The following MSRB3 variants were observed in gnomAD, a reference collection of about 807,000 sequenced individuals.
MSRB3 encodes methionine-R-sulfoxide reductase B3.
MSRB3 carries 13 observed loss-of-function variants against 21.0 expected under a neutral mutation model. The observed-to-expected ratio is 0.62, with a 90% confidence interval of 0.40 to 0.98. The LOEUF (loss-of-function observed/expected upper bound fraction) is 0.98, where lower values mean the gene tolerates loss of function less well. Ranked by LOEUF, MSRB3 falls within the 50% of genes least tolerant of loss-of-function variation. MSRB3 has a pLI of 0.00. For synonymous variants in MSRB3, 87 were observed against 88.6 expected (o/e 0.98, Z 0.10); for missense variants, 199 against 230.3 (o/e 0.86, Z 0.88).
intron 5 of MSRB3, among the ~76,000 whole-genome samples, chr12:65,375,091 C>T (rs1194797106): frequency 7.9e-5 from 12 of 151,294 alleles, no homozygotes; most frequent in African/African-American, 2.9e-4. Flanking sequence ...GTGATCAGCT[C>T]GCCTCGGCCT....
At chr12:65,388,876 AAGAAG>A (rs765376092) in intron 5 of MSRB3, among the ~76,000 whole-genome samples, 84 of 152,296 alleles carry the variant, frequency 5.5e-4, no homozygotes, top group Non-Finnish European at 1.1e-3. Context: ...GTCAAAAGAA[AAGAAG>A]AGAAGAGAAG....
chr12:65,435,284 A>T (rs1565890842), intron 5 of MSRB3, among the ~76,000 whole-genome samples: 1 of 151,906 alleles, frequency 6.6e-6, no homozygotes. Context: ...TTTGGCCAAG[A>T]TCAAATCTAT....
intron 5 of MSRB3, among the ~76,000 whole-genome samples, chr12:65,422,428 A>ATATGTT (rs34413074): frequency 1.4e-5 from 1 of 73,416 alleles, no homozygotes; most frequent in African/African-American, 5.9e-5. Context: ...ATATATATAT[A>ATATGTT]TATTTATTTA....
intron 4 of MSRB3, among the ~76,000 whole-genome samples, chr12:65,367,808 C>A (rs1457169032): frequency 1.3e-5 from 2 of 152,060 alleles, no homozygotes. Flanking sequence ...AAAATGTGCA[C>A]CAGGATTACG....
Position 65,330,439 on chromosome 12 carries a change from T to A in MSRB3, c.263+1836T>A, listed in dbSNP as rs1461563009. On this transcript the variant is annotated intron_variant, in intron 4 of 6. Transcript: ENST00000308259. ...TTTAATTGTTTGCTTCTTTTTTACT[T>A]GCTTTCTTGTCTATTTTGGGAAAAA... 2.6e-5 allele frequency among the ~76,000 whole-genome samples: 4 copies of A among 152,254 alleles called. No homozygotes were observed. The South Asian group carries it at 8.3e-4, about 31-fold the overall frequency.
chr12:65,346,180 A>G (rs2136482893), intron 4 of MSRB3, among the ~76,000 whole-genome samples: 1 of 152,262 alleles, frequency 6.6e-6, no homozygotes, highest in East Asian at 1.9e-4. Context: ...ACAATGGTTG[A>G]ACTAGTTTAC....
intron 5 of MSRB3, among the ~76,000 whole-genome samples, 191 bp from the exon 6 acceptor site, chr12:65,453,537 G>A (rs1427386241): frequency 6.6e-6 from 1 of 152,148 alleles, no homozygotes; most frequent in Non-Finnish European, 1.5e-5. Context: ...TATGAGGAAA[G>A]GGTTAAAAAA....
chr12:65,344,575 C>G (rs909131438), intron 4 of MSRB3, among the ~76,000 whole-genome samples: 1 of 151,812 alleles, frequency 6.6e-6, no homozygotes, highest in African/African-American at 2.4e-5. Flanking sequence ...AGAACTGGGT[C>G]TTTTTCTAGA....
At position 65,318,436 on chromosome 12, in the gene MSRB3, G is replaced by A. The variant is rs915957778; in HGVS notation, c.77-8390G>A. On this transcript the variant is annotated intron_variant, in intron 2 of 6. Transcript: ENST00000308259. ...AAGGGGAGAAGGAGGATGAGAGAGC[G>A]AGCTATTTTTTGCAGATCTTTTTGA... Among the ~76,000 whole-genome samples, 7 of 152,066 alleles carry A rather than the reference G, an allele frequency of 4.6e-5. No individual in the cohort carries two copies. The East Asian group carries it at 9.6e-4, about 21-fold the overall frequency.
At chr12:65,357,500 T>C (rs1877454736) in intron 4 of MSRB3, among the ~76,000 whole-genome samples, 1 of 152,076 alleles carries the variant, frequency 6.6e-6, no homozygotes, top group Non-Finnish European at 1.5e-5. Flanking sequence ...GAATATTTGT[T>C]ATAATTATAA....
At chr12:65,439,152 C>T (rs576684366) in intron 5 of MSRB3, among the ~76,000 whole-genome samples, 7 of 151,242 alleles carry the variant, frequency 4.6e-5, no homozygotes, top group South Asian at 2.1e-4. Flanking sequence ...TAATATCAGA[C>T]GGAGTGAAAA....
intron 5 of MSRB3, among the ~76,000 whole-genome samples, chr12:65,415,698 A>G (rs1305893461): frequency 6.6e-6 from 1 of 152,214 alleles, no homozygotes; most frequent in Admixed American, 6.5e-5. Flanking sequence ...TGTATACTCA[A>G]TATGCTTCTA....
chr12:65,406,358 C>G (rs1448868944), intron 5 of MSRB3, among the ~76,000 whole-genome samples: 1 of 152,114 alleles, frequency 6.6e-6, no homozygotes, highest in Non-Finnish European at 1.5e-5. Flanking sequence ...TACTAAAAAG[C>G]TAAAATACTT....
intron 3 of MSRB3, among the ~76,000 whole-genome samples, chr12:65,327,919 G>T (rs559003132): frequency 5.5e-4 from 84 of 152,290 alleles, no homozygotes; most frequent in Admixed American, 1.2e-3. Context: ...AACAACCAGA[G>T]ATTAGGTCAT....
intron 4 of MSRB3, among the ~76,000 whole-genome samples, chr12:65,338,615 T>C (rs1280524873): frequency 6.6e-6 from 1 of 152,186 alleles, no homozygotes; most frequent in Non-Finnish European, 1.5e-5. Context: ...GAAAAATTCA[T>C]AGTCGAGCCT....
chr12:65,424,898 A>C (rs1208215718), intron 5 of MSRB3, among the ~76,000 whole-genome samples: 1 of 118,620 alleles, frequency 8.4e-6, no homozygotes, highest in Non-Finnish European at 1.8e-5. Flanking sequence ...CCACTATTGA[A>C]AGTGAAAATA....
intron 5 of MSRB3, among the ~76,000 whole-genome samples, chr12:65,415,855 A>G (rs1317913087): frequency 6.6e-6 from 1 of 152,168 alleles, no homozygotes; most frequent in Non-Finnish European, 1.5e-5. Context: ...GATGGATTTA[A>G]CCCTCACTTC....
intron 4 of MSRB3, among the ~76,000 whole-genome samples, chr12:65,359,184 A>G (rs1877563218): frequency 6.6e-6 from 1 of 152,014 alleles, no homozygotes; most frequent in Admixed American, 6.6e-5. Flanking sequence ...CTTCTAAATA[A>G]TTCTAGAGAG....
chr12:65,318,435 C>T (rs957481335), intron 2 of MSRB3, among the ~76,000 whole-genome samples: 5 of 151,956 alleles, frequency 3.3e-5, no homozygotes, highest in Admixed American at 6.6e-5. Flanking sequence ...GATGAGAGAG[C>T]GAGCTATTTT....
Sources: allele counts gnomAD v4.1 joint callset (sites outside exome capture counted in the v4.1 genomes callset), GRCh38; gene constraint gnomAD v4.1.1; transcripts MANE v1.5; gene names NCBI Gene and HGNC (gene_info 2026-07-23, HGNC 2026-07-21).